MLEC: variants seen among roughly 807,000 people sequenced by gnomAD.
The protein encoded by MLEC is malectin.
A neutral mutation model predicts 28.7 loss-of-function variants in MLEC; 7 were observed. That is an observed-to-expected ratio of 0.24 (90% confidence interval 0.14 to 0.46). The LOEUF (loss-of-function observed/expected upper bound fraction) is 0.46. MLEC is among the 20% of genes least tolerant of loss of function. MLEC has a pLI of 0.99. For synonymous variants in MLEC, 142 were observed against 164.4 expected, an observed-to-expected ratio of 0.86 and a Z score of 1.04; for missense variants, 237 against 391.1, an observed-to-expected ratio of 0.61 and a Z score of 3.32.
At chr12:120,692,074 C>T (rs931373293) in intron 1 of MLEC, among the ~76,000 whole-genome samples, 23 of 152,112 alleles carry the variant, frequency 1.5e-4, no homozygotes, top group African/African-American at 4.3e-4. Flanking sequence ...GCAGGAGAAT[C>T]GCTTGACCCT....
Position 120,694,990 on chromosome 12 carries a change from A to C in MLEC, c.581A>C (p.Glu194Ala). The change falls in exon 3 of 5, where the codon GAG becomes GCG. Residue 194 changes from glutamate to alanine, a missense_variant. Transcript: ENST00000228506. The surrounding 1 kb of genome is among the most constrained non-coding windows in gnomAD (Gnocchi z 4.5). ...VSTFTGKLYIEFVKGYYDNPK... is the reference protein window; with the variant it reads ...VSTFTGKLYIAFVKGYYDNPK... ...ACCTTCACAGGGAAACTCTACATTG[A>C]GTTTGTCAAGGTAATTCCCCTATTC... is the stretch of plus-strand genomic sequence containing the variant. 6.2e-7 allele frequency: 1 copy of C among 1,614,084 alleles called. No homozygotes were observed. Among genetic ancestry groups the C allele is most frequent in the Non-Finnish European group, 8.5e-7 (1 of 1,180,004 alleles).
chr12:120,691,129 C>T (rs1228884367), intron 1 of MLEC, among the ~76,000 whole-genome samples: 1 of 152,192 alleles, frequency 6.6e-6, no homozygotes, highest in South Asian at 2.1e-4. Context: ...CTGGCTTTCC[C>T]ACTCTTGTGG....
intron 1 of MLEC, among the ~76,000 whole-genome samples, chr12:120,689,449 G>C (rs1400489413): frequency 6.6e-6 from 1 of 152,226 alleles, no homozygotes; most frequent in African/African-American, 2.4e-5. Flanking sequence ...CTACCAATCT[G>C]GGTAAGAATT....
In MLEC at chr12:120,687,216, C is replaced by T. The variant is rs1881853580; in HGVS notation, c.-81C>T. Reference sequence around the variant, plus strand: ...GGCTCAGGCGGAGCGGCCCGTGGCGCTGTTTTTCTGAGTCCGGGGTGGCCT... The same window carrying T: ...GGCTCAGGCGGAGCGGCCCGTGGCGTTGTTTTTCTGAGTCCGGGGTGGCCT... On this transcript the variant is annotated 5_prime_UTR_variant, in exon 1 of 5. Coordinates refer to ENST00000228506, the MANE Select transcript of MLEC (RefSeq NM_014730.4). This position sits in a 1 kb window ranked among gnomAD's most constrained non-coding sequence, Gnocchi z 8.1. 2 of 1,305,500 alleles carry T rather than the reference C, an allele frequency of 1.5e-6. No individual in the cohort carries two copies. The highest frequency in any genetic ancestry group is 1.6e-5 in the African/African-American group (1 of 64,344). The allele number at this position is 1,305,500 out of a possible 1,614,324, so 80.9% of individuals were successfully genotyped here.
At position 120,687,608 on chromosome 12, in the gene MLEC, G is replaced by T; in HGVS notation, c.235+77G>T. On this transcript the variant is annotated intron_variant, in intron 1 of 4. Coordinates refer to ENST00000228506, the MANE Select transcript of MLEC (RefSeq NM_014730.4). This position sits in a 1 kb window ranked among gnomAD's most constrained non-coding sequence, Gnocchi z 8.1. ...CAGCCGGCCGGGGGCTGCGGGCCCC[G>T]AGCCCCTTTCGACCCTGGGGCCGCG... is the stretch of plus-strand genomic sequence containing the variant. The T allele has an allele frequency of 8.2e-7, 1 of 1,223,548 alleles. No individual in the cohort carries two copies. Among genetic ancestry groups the T allele is most frequent in the South Asian group, 1.8e-5 (1 of 54,290 alleles). The allele number at this position is 1,223,548 out of a possible 1,614,324, so 75.8% of individuals were successfully genotyped here.
rs543674343 is a variant in MLEC at position 120,696,964 on chromosome 12, T to C, written c.*419T>C. 5.7e-6 allele frequency: 1 copy of C among 176,726 alleles called. No homozygotes were observed. The highest frequency in any genetic ancestry group is 1.2e-4 in the South Asian group (1 of 8,064). The allele number at this position is 176,726 out of a possible 1,614,324, so 10.9% of individuals were successfully genotyped here. A position where few individuals can be genotyped will look rare whatever the true frequency, so the allele number is the denominator to read the frequency against. ...GACCAGCACTGGGAGTTAGGTACGG[T>C]CTGAAGTTATGTCTAGATAAGACTT... is the stretch of plus-strand genomic sequence containing the variant. On this transcript the variant is annotated 3_prime_UTR_variant, in exon 5 of 5. Transcript: ENST00000228506. This position sits in a 1 kb window ranked among gnomAD's most constrained non-coding sequence, Gnocchi z 5.4.
chr12:120,690,748 G>A (rs1015831161), intron 1 of MLEC, among the ~76,000 whole-genome samples: 1 of 152,180 alleles, frequency 6.6e-6, no homozygotes, highest in African/African-American at 2.4e-5. Flanking sequence ...CCTGGGGAAG[G>A]ATTTGGCTTT....
rs1170188272 is a variant in MLEC, at chr12:120,696,477, C to T, written c.811C>T (p.Leu271Phe). Residue 271 changes from leucine to phenylalanine, a missense_variant, in exon 5 of 5, where the codon CTC becomes TTC. By Grantham distance (22) the Leu-to-Phe change is conservative (BLOSUM62 0). Coordinates refer to ENST00000228506, the MANE Select transcript of MLEC (RefSeq NM_014730.4). This position sits in a 1 kb window ranked among gnomAD's most constrained non-coding sequence, Gnocchi z 5.4. ...CCCCTATGCCTCGGACAACAGCAGC[C>T]TCATGTTTCCCATCCTGGTGGCCTT... ...PNPYASDNSS[L>F]MFPILVAFGV... The T allele has an allele frequency of 1.9e-6, 3 of 1,614,186 alleles. No homozygotes were observed. The highest frequency in any genetic ancestry group is 1.7e-6 in the Non-Finnish European group (2 of 1,180,026).
chr12:120,688,915 G>T (rs917571179), intron 1 of MLEC, among the ~76,000 whole-genome samples: 3 of 144,464 alleles, frequency 2.1e-5, no homozygotes, highest in Admixed American at 7.0e-5. Flanking sequence ...ATAGCAGGAG[G>T]TCATTACTAT....
At chr12:120,692,108 T>G (rs1882059299) in intron 1 of MLEC, among the ~76,000 whole-genome samples, 1 of 152,064 alleles carries the variant, frequency 6.6e-6, no homozygotes, top group Non-Finnish European at 1.5e-5. Context: ...TGCAGTGAGC[T>G]GAGATTGCGC....
chr12:120,694,786 G>A lies in MLEC; in HGVS notation c.415-38G>A. 1 of 1,571,964 alleles carries A rather than the reference G, an allele frequency of 6.4e-7. No individual in the cohort carries two copies. The highest frequency in any genetic ancestry group is 8.7e-7 in the Non-Finnish European group (1 of 1,153,780). Reference sequence around the variant, plus strand: ...CAACTGCTTGAAAGGATGTAAAGCTGATGGTTTTGACATTGTTTTCTTTTC... The same window carrying A: ...CAACTGCTTGAAAGGATGTAAAGCTAATGGTTTTGACATTGTTTTCTTTTC... On this transcript the variant is annotated intron_variant, in intron 2 of 4. Transcript: ENST00000228506. The surrounding 1 kb of genome is among the most constrained non-coding windows in gnomAD (Gnocchi z 4.5).
rs972822052 is a variant in MLEC, at chr12:120,700,252, T to G, written c.*3707T>G. Reference sequence around the variant, plus strand: ...GATTCAGGTTTGGGCAGGGGTCCTATAGTCCCTGCCATGGGGCTGCTTCCC... The same window carrying G: ...GATTCAGGTTTGGGCAGGGGTCCTAGAGTCCCTGCCATGGGGCTGCTTCCC... On this transcript the variant is annotated 3_prime_UTR_variant, in exon 5 of 5. Coordinates refer to ENST00000228506, the MANE Select transcript of MLEC (RefSeq NM_014730.4). The surrounding 1 kb of genome is among the most constrained non-coding windows in gnomAD (Gnocchi z 4.0). 6.5e-6 allele frequency: 1 copy of G among 152,834 alleles called. No individual in the cohort carries two copies. The highest frequency in any genetic ancestry group is 2.4e-5 in the African/African-American group (1 of 41,438). 9.5% of individuals were successfully genotyped at this position (152,834 alleles called of 1,614,324 possible).
At position 120,692,572 on chromosome 12, in the gene MLEC, G is replaced by C. The variant is rs183260670; in HGVS notation, c.236-1519G>C. 1.2e-4 allele frequency among the ~76,000 whole-genome samples: 18 copies of C among 151,726 alleles called. 1 individual carries two copies. The highest frequency in any genetic ancestry group is 8.8e-5 in the Non-Finnish European group (6 of 67,902). On this transcript the variant is annotated intron_variant, in intron 1 of 4. Transcript: ENST00000228506. Reference sequence around the variant, plus strand: ...TTAACAGTTATGTTTATTTTTTTGAGGTCTTGACCTCAACCACTGGGTCTT... The same window carrying C: ...TTAACAGTTATGTTTATTTTTTTGACGTCTTGACCTCAACCACTGGGTCTT...
rs766050805 is a variant in MLEC at position 120,696,448 on chromosome 12, C to T, written c.782C>T (p.Pro261Leu). ...CGGGTGCAGTCAGGCCCCCGCACAC[C>T]CAACCCCTATGCCTCGGACAACAGC... ...KNRVQSGPRT[P>L]NPYASDNSSL... The change falls in exon 5 of 5, where the codon CCC becomes CTC. Residue 261 changes from proline (P) to leucine (L), a missense_variant. Transcript: ENST00000228506. This position sits in a 1 kb window ranked among gnomAD's most constrained non-coding sequence, Gnocchi z 5.4. 1 of 1,613,978 alleles carries T rather than the reference C, an allele frequency of 6.2e-7. No individual in the cohort carries two copies. The highest frequency in any genetic ancestry group is 8.5e-7 in the Non-Finnish European group (1 of 1,180,012).
intron 1 of MLEC, among the ~76,000 whole-genome samples, chr12:120,692,016 C>T (rs980002877): frequency 3.3e-4 from 50 of 152,106 alleles, no homozygotes; most frequent in African/African-American, 1.1e-3. Context: ...AAAAATTAGC[C>T]GGGCGTGGTG....
chr12:120,693,897 A>T, intron 1 of MLEC, 194 bp from the exon 2 acceptor site: 1 of 511,960 alleles, frequency 2.0e-6, no homozygotes, highest in African/African-American at 1.9e-5. Flanking sequence ...CTTTCATTTT[A>T]CTCTTCCATA....
At chr12:120,692,021 G>A (rs1882055658) in intron 1 of MLEC, among the ~76,000 whole-genome samples, 1 of 152,102 alleles carries the variant, frequency 6.6e-6, no homozygotes, top group Non-Finnish European at 1.5e-5. Context: ...TTAGCCGGGC[G>A]TGGTGATGCG....
chr12:120,695,079 G>A lies in MLEC; in HGVS notation c.592-16G>A. On this transcript the variant is annotated splice_polypyrimidine_tract_variant and intron_variant, in intron 3 of 4. Coordinates refer to ENST00000228506, the MANE Select transcript of MLEC (RefSeq NM_014730.4). ...TTGCTGCTGTGTGGGGTTGACCACTGTTTCCCTTTTCCTAGGGGTACTATG... is the reference window on the plus strand; with the variant it reads ...TTGCTGCTGTGTGGGGTTGACCACTATTTCCCTTTTCCTAGGGGTACTATG... 1 of 1,614,168 alleles carries A rather than the reference G, an allele frequency of 6.2e-7. No individual in the cohort carries two copies. The highest frequency in any genetic ancestry group is 8.5e-7 in the Non-Finnish European group (1 of 1,180,028).
intron 1 of MLEC, among the ~76,000 whole-genome samples, chr12:120,690,141 A>G (rs1200722343): frequency 6.6e-6 from 1 of 152,128 alleles, no homozygotes; most frequent in Admixed American, 6.6e-5. Flanking sequence ...TATGAGGCAC[A>G]TTCCAGGGTT....
Sources: gnomAD v4.1 joint callset for allele counts (sites outside exome capture counted in the v4.1 genomes callset) on GRCh38, gnomAD v4.1.1 for gene constraint, Gnocchi (gnomAD v3.1) non-coding constraint, MANE v1.5 for transcripts, NCBI Gene and HGNC (gene_info 2026-07-23, HGNC 2026-07-21) for gene names.